Variants in PTPRM observed in about 807,000 individuals in gnomAD.
PTPRM encodes the protein protein tyrosine phosphatase receptor type M, also known as receptor-type tyrosine-protein phosphatase mu.
PTPRM carries 47 observed loss-of-function variants against 186.7 expected under a neutral mutation model. The observed-to-expected ratio is 0.25, with a 90% CI of 0.20 to 0.32. PTPRM has a LOEUF of 0.32. PTPRM is among the 10% of genes least tolerant of loss of function. PTPRM has a pLI of 1.00. For missense variants in PTPRM, 1,494 were observed against 1,865.0 expected (o/e 0.80, Z 3.66); for synonymous variants, 668 against 674.9 (o/e 0.99, Z 0.16).
chr18:7,887,298 G>C (rs535040743), intron 2 of PTPRM, among the ~76,000 whole-genome samples: 1 of 152,198 alleles, frequency 6.6e-6, no homozygotes, highest in South Asian at 2.1e-4. Flanking sequence ...AATCCATCTG[G>C]AAGCTCCTCA....
chr18:8,108,403 A>G (rs567271675), intron 11 of PTPRM, among the ~76,000 whole-genome samples: 1 of 152,214 alleles, frequency 6.6e-6, no homozygotes, highest in East Asian at 1.9e-4. Context: ...ACCTTCTATT[A>G]TCCAATTGGT....
chr18:7,997,496 T>C (rs374452875), intron 7 of PTPRM, among the ~76,000 whole-genome samples: 11 of 152,226 alleles, frequency 7.2e-5, no homozygotes, highest in African/African-American at 1.9e-4. Flanking sequence ...TGTTAAAATA[T>C]TGAAAACACG....
intron 1 of PTPRM, among the ~76,000 whole-genome samples, chr18:7,578,422 A>G (rs943220902): frequency 2.1e-5 from 3 of 140,014 alleles, no homozygotes; most frequent in South Asian, 2.2e-4. Flanking sequence ...TGCAAGCTCC[A>G]CCTCCCAGGT....
intron 2 of PTPRM, among the ~76,000 whole-genome samples, chr18:7,794,598 G>C (rs551523846): frequency 1.3e-5 from 2 of 152,312 alleles, no homozygotes; most frequent in East Asian, 3.9e-4. Flanking sequence ...AGAGACTTAT[G>C]AGTAAGATTA....
chr18:8,326,991 TCTTA>T (rs1168362097), intron 22 of PTPRM, among the ~76,000 whole-genome samples: 2 of 152,184 alleles, frequency 1.3e-5, no homozygotes, highest in African/African-American at 4.8e-5. Flanking sequence ...GCAGAGTAGG[TCTTA>T]CTAATTGCAT....
intron 1 of PTPRM, among the ~76,000 whole-genome samples, chr18:7,755,867 A>G (rs2041462436): frequency 6.6e-6 from 1 of 152,228 alleles, no homozygotes; most frequent in Non-Finnish European, 1.5e-5. Context: ...TGCTGTGGTC[A>G]TACAGTTTTC....
In PTPRM at chr18:8,248,136, A is replaced by C; in HGVS notation, c.2528-14A>C. The C allele has an allele frequency of 6.5e-7, 1 of 1,528,762 alleles. No homozygotes were observed. Among genetic ancestry groups the C allele is most frequent in the South Asian group, 1.1e-5 (1 of 89,318 alleles). The allele number at this position is 1,528,762 out of a possible 1,614,324, so 94.7% of individuals were successfully genotyped here. Reference sequence around the variant, plus strand: ...TTACTTTCTCTGCATTGACCTGCTTACGGTGTATGACAGACCCATTTGTGC... The same window carrying C: ...TTACTTTCTCTGCATTGACCTGCTTCCGGTGTATGACAGACCCATTTGTGC... On this transcript the variant is annotated splice_polypyrimidine_tract_variant and intron_variant, in intron 16 of 32. Coordinates refer to ENST00000580170, the MANE Select transcript of PTPRM (RefSeq NM_001105244.2).
At chr18:8,032,179 G>A (rs1473669041) in intron 7 of PTPRM, among the ~76,000 whole-genome samples, 1 of 152,134 alleles carries the variant, frequency 6.6e-6, no homozygotes, top group Non-Finnish European at 1.5e-5. Flanking sequence ...CAGTAACTCT[G>A]GAGCCACATT....
chr18:7,935,378 C>T (rs770847939), intron 5 of PTPRM, among the ~76,000 whole-genome samples: 4 of 150,624 alleles, frequency 2.7e-5, no homozygotes, highest in Admixed American at 6.6e-5. Flanking sequence ...AACCTTTAGG[C>T]GTATACCTTA....
At position 7,787,178 on chromosome 18, in the gene PTPRM, G is replaced by A. The variant is rs529317803; in HGVS notation, c.196+12907G>A. ...ACTTGATATTTCTCAATGGTTTTGA[G>A]AAAACCCAATTTACATAAGTGATCT... On this transcript the variant is annotated intron_variant, in intron 2 of 32. Coordinates refer to ENST00000580170, the MANE Select transcript of PTPRM (RefSeq NM_001105244.2). Among the ~76,000 whole-genome samples, 6 of 152,236 alleles carry A rather than the reference G, an allele frequency of 3.9e-5. No homozygotes were observed. In the East Asian group the frequency reaches 1.2e-3, roughly 29 times the overall value.
intron 15 of PTPRM, 39 bp downstream of exon 15, chr18:8,244,248 T>C: frequency 6.7e-7 from 1 of 1,484,526 alleles, no homozygotes; most frequent in Non-Finnish European, 8.9e-7. Flanking sequence ...CACATCTCCT[T>C]GGTTTTGCAA....
chr18:7,834,405 TA>T (rs2045915133), intron 2 of PTPRM, among the ~76,000 whole-genome samples: 1 of 146,200 alleles, frequency 6.8e-6, no homozygotes, highest in Admixed American at 6.9e-5. Flanking sequence ...TATGTATATA[TA>T]AATATAATAT....
At chr18:7,953,896 TTATTTTTCCGTG>T (rs1457785703) in intron 6 of PTPRM, among the ~76,000 whole-genome samples, 18 of 152,200 alleles carry the variant, frequency 1.2e-4, no homozygotes, top group African/African-American at 4.3e-4. Flanking sequence ...ATAGCGGATT[TTATTTTTCCGTG>T]CATTTGTATG....
rs533158078 is a variant in PTPRM, at chr18:8,247,055, T to C, written c.2453-790T>C. On this transcript the variant is annotated intron_variant, in intron 15 of 32. Transcript: ENST00000580170. ...GAGCAACTTTCAAGTCTTTATACTT[T>C]AATGAAATTAAACTGTTTTAAAAAC... 6.6e-5 allele frequency among the ~76,000 whole-genome samples: 10 copies of C among 152,272 alleles called. No homozygotes were observed. In the South Asian group the frequency reaches 2.1e-3, roughly 32 times the overall value.
intron 7 of PTPRM, among the ~76,000 whole-genome samples, chr18:7,988,406 A>G (rs1263982309): frequency 6.6e-6 from 1 of 152,190 alleles, no homozygotes; most frequent in Non-Finnish European, 1.5e-5. Context: ...TTATTGTAAT[A>G]AAGTATACAT....
chr18:7,828,919 G>A (rs2045625471), intron 2 of PTPRM, among the ~76,000 whole-genome samples: 1 of 152,230 alleles, frequency 6.6e-6, no homozygotes, highest in East Asian at 1.9e-4. Context: ...TATAAGTATT[G>A]CAATAAAGAA....
chr18:7,949,607 C>T (rs1386746765), intron 6 of PTPRM, among the ~76,000 whole-genome samples: 1 of 152,070 alleles, frequency 6.6e-6, no homozygotes, highest in East Asian at 1.9e-4. Flanking sequence ...AAGTCTTCTG[C>T]CAACTCTATA....
chr18:8,226,741 A>G (rs921333773), intron 14 of PTPRM, among the ~76,000 whole-genome samples: 3 of 152,224 alleles, frequency 2.0e-5, no homozygotes, highest in Admixed American at 1.3e-4. Context: ...AAGCAAAATA[A>G]TTATCTTATA....
chr18:7,900,017 T>C (rs2049577882), intron 3 of PTPRM, among the ~76,000 whole-genome samples: 1 of 152,202 alleles, frequency 6.6e-6, no homozygotes, highest in Non-Finnish European at 1.5e-5. Context: ...GCGCAAGGCA[T>C]ATTGTATTTG....
Sources: allele counts gnomAD v4.1 joint callset (sites outside exome capture counted in the v4.1 genomes callset), GRCh38; gene constraint gnomAD v4.1.1; transcripts MANE v1.5; gene names NCBI Gene and HGNC (gene_info 2026-07-23, HGNC 2026-07-21).